ARHGAP27: variants seen among roughly 807,000 people sequenced by gnomAD.
ARHGAP27 encodes rho GTPase-activating protein 27.
Under a neutral mutation model 102.0 loss-of-function variants are expected in ARHGAP27, and 53 were observed. The ratio of observed to expected loss-of-function variants is 0.52; its 90% CI spans 0.42 to 0.65. The LOEUF (loss-of-function observed/expected upper bound fraction) is 0.65, where lower values mean the gene tolerates loss of function less well. Among genes scored for constraint, ARHGAP27 ranks in the 30% least tolerant of loss-of-function variants. The pLI is 0.00. For missense variants in ARHGAP27, 1,117 were observed against 1,256.2 expected (o/e 0.89, Z 1.68); for synonymous variants, 525 against 542.8 (o/e 0.97, Z 0.46).
chr17:45,412,717 C>G (rs2048047274), intron 4 of ARHGAP27, among the ~76,000 whole-genome samples: 2 of 152,178 alleles, frequency 1.3e-5, no homozygotes. Flanking sequence ...AACTGGGTCT[C>G]CCTTTAACCA....
At chr17:45,397,911 C>T in intron 13 of ARHGAP27, 38 bp downstream of exon 13, 1 of 1,553,378 alleles carries the variant, frequency 6.4e-7, no homozygotes. Flanking sequence ...ATGGCCACCC[C>T]CTCCCCACTG....
chr17:45,410,471 T>G (rs926522944), intron 4 of ARHGAP27: 45 of 1,074,510 alleles, frequency 4.2e-5, no homozygotes, highest in East Asian at 1.1e-4. Flanking sequence ...TTGGGGCGGG[T>G]GGGGTGGAGG....
At chr17:45,398,091 C>G (rs762614374) in intron 12 of ARHGAP27, 44 bp from the exon 13 acceptor site, 1 of 1,544,486 alleles carries the variant, frequency 6.5e-7, no homozygotes, top group South Asian at 1.2e-5. Context: ...TACCCTGGGT[C>G]TGCCCTGGGG....
At chr17:45,418,944 A>C (rs2048747525) in intron 4 of ARHGAP27, among the ~76,000 whole-genome samples, 1 of 152,178 alleles carries the variant, frequency 6.6e-6, no homozygotes, top group African/African-American at 2.4e-5. Context: ...CCATGCCCAC[A>C]GGCCCACTGG....
At chr17:45,400,698 T>C (rs1567696584) in intron 12 of ARHGAP27, among the ~76,000 whole-genome samples, 1 of 151,994 alleles carries the variant, frequency 6.6e-6, no homozygotes, top group African/African-American at 2.4e-5. Context: ...GTAAATCACC[T>C]GAGGCCAGTA....
At chr17:45,397,353 AC>A (rs1332913120) in intron 13 of ARHGAP27, 3 of 1,176,758 alleles carry the variant, frequency 2.5e-6, no homozygotes, top group African/African-American at 3.2e-5. Context: ...ATTCCTCAAT[AC>A]GTGGCTCCCA....
intron 4 of ARHGAP27, among the ~76,000 whole-genome samples, chr17:45,413,497 G>C (rs2048126973): frequency 1.3e-5 from 2 of 152,246 alleles, no homozygotes; most frequent in African/African-American, 4.8e-5. Context: ...GTGTAGAACA[G>C]AGCTGTCAAC....
At chr17:45,416,467 C>CTT (rs941995458) in intron 4 of ARHGAP27, among the ~76,000 whole-genome samples, 2 of 146,332 alleles carry the variant, frequency 1.4e-5, no homozygotes, top group East Asian at 2.0e-4. Context: ...CTCTCTCTCT[C>CTT]TTTTTTTTTT....
At chr17:45,396,379 C>T in intron 16 of ARHGAP27, 95 bp from the exon 17 acceptor site, 1 of 1,473,956 alleles carries the variant, frequency 6.8e-7, no homozygotes, top group Non-Finnish European at 9.0e-7. Flanking sequence ...GCCTCCCGTA[C>T]TTTCCCCCTG....
intron 4 of ARHGAP27, among the ~76,000 whole-genome samples, chr17:45,428,169 C>T (rs1428500918): frequency 6.6e-6 from 1 of 152,240 alleles, no homozygotes; most frequent in Non-Finnish European, 1.5e-5. Context: ...ACCCTCCCAC[C>T]GTCACTAGGA....
chr17:45,424,913 G>T (rs544211635), intron 4 of ARHGAP27, among the ~76,000 whole-genome samples: 1 of 152,096 alleles, frequency 6.6e-6, no homozygotes, highest in Admixed American at 6.5e-5. Flanking sequence ...CCCATCGCAG[G>T]CCCCTGGGCG....
intron 4 of ARHGAP27, chr17:45,408,068 A>G (rs2047437037): frequency 6.6e-6 from 1 of 152,042 alleles, no homozygotes; most frequent in African/African-American, 2.4e-5. Context: ...AAACTCCTCG[A>G]AAGAGGAAGC....
At chr17:45,405,637 C>A in intron 5 of ARHGAP27, 39 bp downstream of exon 5, 1 of 1,539,724 alleles carries the variant, frequency 6.5e-7, no homozygotes. Flanking sequence ...ATCAGAGGCG[C>A]TCAGAGGTAG....
chr17:45,419,261 A>AC (rs1297168887), intron 4 of ARHGAP27, among the ~76,000 whole-genome samples: 1 of 152,174 alleles, frequency 6.6e-6, no homozygotes, highest in Non-Finnish European at 1.5e-5. Context: ...GGGAGGGTCC[A>AC]CATCTCACTC....
Position 45,395,177 on chromosome 17 carries a change from A to G in ARHGAP27, c.*279T>C. 1 of 523,614 alleles carries G rather than the reference A, an allele frequency of 1.9e-6. No homozygotes were observed. The highest frequency in any genetic ancestry group is 3.4e-6 in the Non-Finnish European group (1 of 294,938). The allele number at this position is 523,614 out of a possible 1,614,324, so 32.4% of individuals were successfully genotyped here. A position where few individuals can be genotyped will look rare whatever the true frequency, so the allele number is the denominator to read the frequency against. ...CCCCCACACACGCTATCGCACACGC[A>G]CAGTAGGCGCGATGCAACAGAGAAA... On this transcript the variant is annotated 3_prime_UTR_variant, in exon 20 of 20. Transcript: ENST00000685559.
intron 4 of ARHGAP27, among the ~76,000 whole-genome samples, chr17:45,415,775 C>T (rs2048389182): frequency 6.6e-6 from 1 of 152,122 alleles, no homozygotes; most frequent in African/African-American, 2.4e-5. Flanking sequence ...ACCTTGCAGG[C>T]AGGGCAATGA....
At chr17:45,428,068 A>G (rs899749897) in intron 4 of ARHGAP27, among the ~76,000 whole-genome samples, 1 of 152,184 alleles carries the variant, frequency 6.6e-6, no homozygotes, top group African/African-American at 2.4e-5. Context: ...CTCTCTGTGC[A>G]CTCTGTTTGA....
In ARHGAP27 at chr17:45,406,047, C is replaced by G. The variant is rs142833021; in HGVS notation, c.694G>C (p.Glu232Gln). 1.3e-6 allele frequency: 2 copies of G among 1,532,168 alleles called. No individual in the cohort carries two copies. The highest frequency in any genetic ancestry group is 1.7e-6 in the Non-Finnish European group (2 of 1,144,348). The allele number at this position is 1,532,168 out of a possible 1,614,324, so 94.9% of individuals were successfully genotyped here. A position where few individuals can be genotyped will look rare whatever the true frequency, so the allele number is the denominator to read the frequency against. The change falls in exon 5 of 20, where the codon GAG becomes CAG. Residue 232 changes from glutamate (E) to glutamine (Q), a missense_variant. By Grantham distance (29) the Glu-to-Gln change is conservative. Transcript: ENST00000685559. ...GGTGAAGTGGCCCGGGGCTGCCTCT[C>G]TATGTTCGCGTACACGGGCTCCGGT... ...DPPEPVYANI[E>Q]RQPRATSPGA... is the part of the protein sequence containing the mutation.
chr17:45,412,466 G>C (rs900828368), intron 4 of ARHGAP27, among the ~76,000 whole-genome samples: 3 of 152,308 alleles, frequency 2.0e-5, no homozygotes, highest in African/African-American at 7.2e-5. Flanking sequence ...AGGTGCACTA[G>C]GAAGACCCAG....
Sources: allele counts gnomAD v4.1 joint callset (sites outside exome capture counted in the v4.1 genomes callset), GRCh38; gene constraint gnomAD v4.1.1; transcripts MANE v1.5; gene names NCBI Gene and HGNC (gene_info 2026-07-23, HGNC 2026-07-21).